CHL1: variants seen among roughly 807,000 people sequenced by gnomAD.
CHL1 encodes the protein cell adhesion molecule L1 like, also known as neural cell adhesion molecule L1-like protein.
A neutral mutation model predicts 141.9 loss-of-function variants in CHL1; 96 were observed. The ratio of observed to expected loss-of-function variants is 0.68; its 90% CI spans 0.57 to 0.80. The LOEUF is 0.80. Among genes scored for constraint, CHL1 ranks in the 30% least tolerant of loss-of-function variants. The probability of loss-of-function intolerance (pLI) is 0.00; values close to 1 mark genes in which losing one functional copy is unlikely to be tolerated. For missense variants in CHL1, 1,820 were observed against 1,457.2 expected (o/e 1.25, Z -4.05); for synonymous variants, 613 against 502.2 (o/e 1.22, Z -2.95).
At chr3:275,919 G>A (rs1357823066) in intron 2 of CHL1, among the ~76,000 whole-genome samples, 4 of 151,760 alleles carry the variant, frequency 2.6e-5, no homozygotes, top group Non-Finnish European at 5.9e-5. Flanking sequence ...CAAACAATTG[G>A]CTAAGTAGTT....
At chr3:387,680 C>A (rs905108422) in intron 19 of CHL1, among the ~76,000 whole-genome samples, 1 of 152,138 alleles carries the variant, frequency 6.6e-6, no homozygotes, top group Non-Finnish European at 1.5e-5. Context: ...GATTGCAGTA[C>A]GGCACTACAA....
intron 2 of CHL1, among the ~76,000 whole-genome samples, chr3:272,824 A>T (rs1695756948): frequency 6.6e-6 from 1 of 152,102 alleles, no homozygotes; most frequent in Admixed American, 6.5e-5. Context: ...TACTTACTGA[A>T]CTCCCATATT....
At chr3:340,942 A>T in intron 6 of CHL1, 26 bp downstream of exon 6, 1 of 1,596,116 alleles carries the variant, frequency 6.3e-7, no homozygotes. Context: ...TTCCATCAAA[A>T]AAGGGGGACA....
chr3:383,610 C>T (rs1373207976), intron 18 of CHL1, among the ~76,000 whole-genome samples: 2 of 152,070 alleles, frequency 1.3e-5, no homozygotes, highest in South Asian at 2.1e-4. Flanking sequence ...ATAATTATTT[C>T]ACTCCAAGAA....
chr3:406,750 A>T lies in CHL1; in HGVS notation c.*1039A>T, dbSNP rs1011513950. On this transcript the variant is annotated 3_prime_UTR_variant, in exon 28 of 28. Transcript: ENST00000256509. ...TCGTCATTCCAGAGCTACAACTAAT[A>T]ACACGAGGTTCCAAAGCTGAAGACT... The T allele has an allele frequency of 5.9e-5, 9 of 152,172 alleles. No homozygotes were observed. The highest frequency in any genetic ancestry group is 1.3e-4 in the Non-Finnish European group (9 of 68,018). 9.4% of individuals were successfully genotyped at this position (152,172 alleles called of 1,614,324 possible). A position where few individuals can be genotyped will look rare whatever the true frequency, so the allele number is the denominator to read the frequency against.
At chr3:296,219 G>A (rs190251627) in intron 2 of CHL1, among the ~76,000 whole-genome samples, 41 of 152,094 alleles carry the variant, frequency 2.7e-4, no homozygotes, top group African/African-American at 9.6e-4. Flanking sequence ...GATTATTCCT[G>A]GCCTATCATT....
chr3:239,557 T>G (rs1329392617), intron 1 of CHL1, among the ~76,000 whole-genome samples: 1 of 150,686 alleles, frequency 6.6e-6, no homozygotes, highest in Non-Finnish European at 1.5e-5. Context: ...GTAGCTTTAA[T>G]GCATTCATTC....
In CHL1 at chr3:352,235, T is replaced by C. The variant is rs189405617; in HGVS notation, c.1034-2405T>C. On this transcript the variant is annotated intron_variant, in intron 10 of 27. Transcript: ENST00000256509. ...CTATTTCTAAAATGTTGCGATTAAA[T>C]CCAATTTTTGTTGAACCTAACAAGT... is the stretch of plus-strand genomic sequence containing the variant. Among the ~76,000 whole-genome samples the C allele has an allele frequency of 2.2e-3, 339 of 152,282 alleles. 4 individuals carry two copies. The highest frequency in any genetic ancestry group is 3.9e-3 in the Non-Finnish European group (262 of 67,990).
intron 8 of CHL1, 110 bp from the exon 9 acceptor site, chr3:344,479 A>G: frequency 1.4e-6 from 1 of 724,700 alleles, no homozygotes; most frequent in Non-Finnish European, 2.3e-6. Flanking sequence ...ACACACACAC[A>G]CACACACACA....
intron 27 of CHL1, 46 bp downstream of exon 27, chr3:401,744 T>G (rs762606314): frequency 1.8e-6 from 2 of 1,139,782 alleles, no homozygotes; most frequent in Admixed American, 4.7e-5. Context: ...ATTCATCATG[T>G]TGAAAGCTTA....
chr3:382,058 C>T, intron 16 of CHL1, 121 bp from the exon 17 acceptor site: 1 of 660,078 alleles, frequency 1.5e-6, no homozygotes, highest in Non-Finnish European at 2.5e-6. Flanking sequence ...GGCGGGGGTG[C>T]TTCCCAGGTC....
chr3:385,879 A>G (rs1198123545), intron 19 of CHL1: 1 of 151,798 alleles, frequency 6.6e-6, no homozygotes, highest in Non-Finnish European at 1.5e-5. Context: ...AGCAAACGAC[A>G]TGTCATTTAG....
At chr3:343,115 T>C in intron 8 of CHL1, 84 bp downstream of exon 8, 1 of 1,025,114 alleles carries the variant, frequency 9.8e-7, no homozygotes, top group Non-Finnish European at 1.4e-6. Flanking sequence ...TAATATCCTC[T>C]TAAGTTTATT....
At chr3:377,077 A>G (rs1203288871) in intron 15 of CHL1, among the ~76,000 whole-genome samples, 2 of 152,234 alleles carry the variant, frequency 1.3e-5, no homozygotes, top group African/African-American at 4.8e-5. Flanking sequence ...TTATGAATAC[A>G]TTTTAAATTT....
At chr3:306,802 A>G (rs149316624) in intron 2 of CHL1, among the ~76,000 whole-genome samples, 24 of 152,326 alleles carry the variant, frequency 1.6e-4, no homozygotes, top group African/African-American at 5.8e-4. Context: ...CAGCCTTTTC[A>G]TCTCTGAAAG....
chr3:249,037 G>A (rs1405586212), intron 2 of CHL1, among the ~76,000 whole-genome samples: 1 of 152,188 alleles, frequency 6.6e-6, no homozygotes, highest in Non-Finnish European at 1.5e-5. Context: ...AATTCTTGCT[G>A]GAGAAAAATA....
intron 2 of CHL1, among the ~76,000 whole-genome samples, chr3:256,023 A>G (rs1356674111): frequency 6.6e-6 from 1 of 151,616 alleles, no homozygotes; most frequent in Non-Finnish European, 1.5e-5. Context: ...CCCATTCCCC[A>G]AAGAATAGTG....
At chr3:323,612 T>A (rs1700771240) in intron 3 of CHL1, among the ~76,000 whole-genome samples, 1 of 152,156 alleles carries the variant, frequency 6.6e-6, no homozygotes, top group Non-Finnish European at 1.5e-5. Context: ...CATCATTTTT[T>A]AACTACGTTA....
chr3:323,412 G>T (rs1165391140), intron 3 of CHL1, among the ~76,000 whole-genome samples: 6 of 152,046 alleles, frequency 3.9e-5, no homozygotes, highest in African/African-American at 1.4e-4. Flanking sequence ...ACAAAATTCA[G>T]TGAGCGGGTA....
Sources: allele counts gnomAD v4.1 joint callset (sites outside exome capture counted in the v4.1 genomes callset), GRCh38; gene constraint gnomAD v4.1.1; transcripts MANE v1.5; gene names NCBI Gene and HGNC (gene_info 2026-07-23, HGNC 2026-07-21).